C8orf34: variants seen among roughly 807,000 people sequenced by gnomAD.
C8orf34 encodes chromosome 8 open reading frame 34, also known as uncharacterized protein C8orf34.
C8orf34 carries 65 observed loss-of-function variants against 68.3 expected under a neutral mutation model. That is an observed-to-expected ratio of 0.95 (90% CI 0.78 to 1.17). C8orf34 has a LOEUF of 1.17. Among genes scored for constraint, C8orf34 ranks in the 50% most tolerant of loss-of-function variants. The pLI, the probability that C8orf34 is intolerant of heterozygous loss-of-function variation, is 0.00. For missense variants in C8orf34, 664 were observed against 655.4 expected (o/e 1.01, Z -0.14); for synonymous variants, 244 against 241.2 (o/e 1.01, Z -0.11).
At chr8:68,371,970 A>C (rs1291105798) in intron 1 of C8orf34, among the ~76,000 whole-genome samples, 1 of 152,186 alleles carries the variant, frequency 6.6e-6, no homozygotes, top group East Asian at 1.9e-4. Flanking sequence ...TGGTTCTCCA[A>C]AATACTGGCT....
At chr8:68,451,970 T>C (rs1328984147) in intron 3 of C8orf34, among the ~76,000 whole-genome samples, 1 of 152,014 alleles carries the variant, frequency 6.6e-6, no homozygotes, top group Non-Finnish European at 1.5e-5. Flanking sequence ...GAAATCACAA[T>C]GTATGACCTT....
At chr8:68,740,239 C>T (rs1285233867) in intron 10 of C8orf34, among the ~76,000 whole-genome samples, 2 of 151,946 alleles carry the variant, frequency 1.3e-5, no homozygotes, top group Admixed American at 6.6e-5. Context: ...GCAACAAAAG[C>T]AAAAATTGAT....
intron 2 of C8orf34, among the ~76,000 whole-genome samples, chr8:68,440,546 C>T (rs146352942): frequency 5.3e-5 from 8 of 152,156 alleles, no homozygotes; most frequent in African/African-American, 9.6e-5. Context: ...AAGTTATTTG[C>T]GTCATATAGG....
At chr8:68,545,890 G>C (rs1815861077) in intron 7 of C8orf34, among the ~76,000 whole-genome samples, 1 of 151,976 alleles carries the variant, frequency 6.6e-6, no homozygotes, top group Admixed American at 6.6e-5. Context: ...ATGTAGTATA[G>C]AGTTTATAAT....
chr8:68,752,453 C>A (rs1336840317), intron 10 of C8orf34, among the ~76,000 whole-genome samples: 1 of 152,136 alleles, frequency 6.6e-6, no homozygotes, highest in African/African-American at 2.4e-5. Flanking sequence ...CAACTTTATA[C>A]AATGACATCA....
intron 1 of C8orf34, among the ~76,000 whole-genome samples, chr8:68,435,611 C>G (rs1216814127): frequency 6.6e-6 from 1 of 152,202 alleles, no homozygotes; most frequent in Non-Finnish European, 1.5e-5. Context: ...GTTCTCACAT[C>G]TGCCTGCATT....
chr8:68,348,772 G>A (rs1212792943), intron 1 of C8orf34, among the ~76,000 whole-genome samples: 2 of 151,924 alleles, frequency 1.3e-5, no homozygotes, highest in African/African-American at 4.8e-5. Context: ...CAGTTTGGCT[G>A]TTGTTGGTGT....
chr8:68,716,806 C>T (rs752856705), intron 9 of C8orf34, among the ~76,000 whole-genome samples: 1 of 151,938 alleles, frequency 6.6e-6, no homozygotes, highest in Non-Finnish European at 1.5e-5. Context: ...TATCATATAG[C>T]ATGAAATATG....
intron 1 of C8orf34, among the ~76,000 whole-genome samples, chr8:68,401,478 C>A (rs1808951398): frequency 6.6e-6 from 1 of 152,052 alleles, no homozygotes; most frequent in African/African-American, 2.4e-5. Flanking sequence ...ATACTTTCAC[C>A]TTTTCCCTAT....
At chr8:68,677,724 A>G (rs1820237360) in intron 8 of C8orf34, among the ~76,000 whole-genome samples, 1 of 152,174 alleles carries the variant, frequency 6.6e-6, no homozygotes. Flanking sequence ...GAAGAAAAGA[A>G]ATAATAATGA....
At chr8:68,772,707 CTT>C (rs1193180991) in intron 10 of C8orf34, among the ~76,000 whole-genome samples, 1 of 131,436 alleles carries the variant, frequency 7.6e-6, no homozygotes, top group Non-Finnish European at 1.6e-5. Flanking sequence ...CCCTCCCTCT[CTT>C]TCTTTCTTTC....
intron 7 of C8orf34, among the ~76,000 whole-genome samples, chr8:68,536,223 A>G (rs959056019): frequency 4.6e-5 from 7 of 151,864 alleles, no homozygotes; most frequent in Admixed American, 2.0e-4. Flanking sequence ...TCTACAAAAA[A>G]TACTTATATT....
chr8:68,570,097 TACTGAAG>T (rs1481671425), intron 7 of C8orf34, among the ~76,000 whole-genome samples: 11 of 152,160 alleles, frequency 7.2e-5, no homozygotes, highest in Non-Finnish European at 1.0e-4. Flanking sequence ...TACTTTTCTA[TACTGAAG>T]ACAGTTTTCT....
rs1309890556 is a variant in C8orf34, at chr8:68,554,072, G to GA, written c.1105+20930dup. Among the ~76,000 whole-genome samples, 5 of 151,750 alleles carry GA rather than the reference G, an allele frequency of 3.3e-5. No homozygotes were observed. In the South Asian group the frequency reaches 1.0e-3, roughly 32 times the overall value. ...CTCAAGTCAAATTGGTTAGCAAATT[G>GA]AAAAAAATCCAATAAAAATATCTAC... On this transcript the variant is annotated intron_variant, in intron 7 of 13. Coordinates refer to ENST00000518698, the MANE Select transcript of C8orf34 (RefSeq NM_052958.4).
At chr8:68,542,236 A>G (rs1427257035) in intron 7 of C8orf34, among the ~76,000 whole-genome samples, 1 of 152,212 alleles carries the variant, frequency 6.6e-6, no homozygotes, top group African/African-American at 2.4e-5. Flanking sequence ...GCCTGCCTCA[A>G]AGAAATAAAC....
At chr8:68,430,548 C>G (rs914992303) in intron 1 of C8orf34, among the ~76,000 whole-genome samples, 1 of 152,058 alleles carries the variant, frequency 6.6e-6, no homozygotes, top group Non-Finnish European at 1.5e-5. Context: ...GGATTTGATG[C>G]CAACACATAC....
In C8orf34 at chr8:68,744,137, A is replaced by C. The variant is rs372777634; in HGVS notation, c.1404+22700A>C. Among the ~76,000 whole-genome samples, 11 of 152,262 alleles carry C rather than the reference A, an allele frequency of 7.2e-5. No homozygotes were observed. The East Asian group carries it at 1.9e-3, about 27-fold the overall frequency. The stretch of plus-strand genomic sequence containing the variant: ...CAGCAGGGGCAGACTGACACCTCAC[A>C]CGGCTGGGTACTCCAACAGACCTTC... On this transcript the variant is annotated intron_variant, in intron 10 of 13. Coordinates refer to ENST00000518698, the MANE Select transcript of C8orf34 (RefSeq NM_052958.4).
At chr8:68,607,356 G>A (rs145656090) in intron 7 of C8orf34, among the ~76,000 whole-genome samples, 34 of 152,114 alleles carry the variant, frequency 2.2e-4, no homozygotes, top group African/African-American at 7.7e-4. Flanking sequence ...TCAAGGTGTC[G>A]GCAGGGTTGG....
chr8:68,704,118 A>T (rs1396282905), intron 8 of C8orf34, among the ~76,000 whole-genome samples: 1 of 152,190 alleles, frequency 6.6e-6, no homozygotes, highest in Non-Finnish European at 1.5e-5. Context: ...ACATAAAAAT[A>T]GGAAAAACAA....
Sources: gnomAD v4.1 joint callset for allele counts (sites outside exome capture counted in the v4.1 genomes callset) on GRCh38, gnomAD v4.1.1 for gene constraint, MANE v1.5 for transcripts, NCBI Gene and HGNC (gene_info 2026-07-23, HGNC 2026-07-21) for gene names.